BANK1: variants seen among roughly 807,000 people sequenced by gnomAD.
BANK1 encodes the protein B-cell scaffold protein with ankyrin repeats.
A neutral mutation model predicts 94.5 loss-of-function variants in BANK1; 95 were observed. That is an observed-to-expected ratio of 1.00 (90% CI 0.85 to 1.19). The LOEUF (loss-of-function observed/expected upper bound fraction) is 1.19. BANK1 is among the 50% of genes most tolerant of loss of function. BANK1 has a pLI of 0.00. For missense variants in BANK1, 987 were observed against 932.2 expected, an observed-to-expected ratio of 1.06 and a Z score of -0.77; for synonymous variants, 334 against 308.4, an observed-to-expected ratio of 1.08 and a Z score of -0.87.
intron 3 of BANK1, among the ~76,000 whole-genome samples, chr4:101,857,513 T>TA (rs778166099): frequency 4.2e-4 from 64 of 152,306 alleles, no homozygotes; most frequent in South Asian, 8.3e-4. Flanking sequence ...TCTGCAGCAT[T>TA]AACTTTAGTC....
At chr4:101,977,919 T>C (rs1725189118) in intron 7 of BANK1, among the ~76,000 whole-genome samples, 1 of 151,588 alleles carries the variant, frequency 6.6e-6, no homozygotes, top group South Asian at 2.1e-4. Context: ...CAATGAAAAT[T>C]AGTATTAAAT....
At chr4:102,013,079 A>G (rs1726564588) in intron 7 of BANK1, among the ~76,000 whole-genome samples, 1 of 152,156 alleles carries the variant, frequency 6.6e-6, no homozygotes, top group Admixed American at 6.5e-5. Flanking sequence ...TTTTGAAACT[A>G]AAACTGATTT....
At chr4:101,812,551 C>G (rs961234130) in intron 1 of BANK1, among the ~76,000 whole-genome samples, 1 of 151,794 alleles carries the variant, frequency 6.6e-6, no homozygotes, top group African/African-American at 2.4e-5. Flanking sequence ...TGACATAGCT[C>G]TATCTTTAAG....
At chr4:101,791,053 C>T in intron 1 of BANK1, 103 bp downstream of exon 1, 4 of 925,734 alleles carry the variant, frequency 4.3e-6, no homozygotes, top group Non-Finnish European at 6.2e-6. Flanking sequence ...GGCACTGAGG[C>T]CAGGGCGTCC....
At chr4:101,850,988 A>T (rs1417354650) in intron 2 of BANK1, among the ~76,000 whole-genome samples, 1 of 152,162 alleles carries the variant, frequency 6.6e-6, no homozygotes, top group Non-Finnish European at 1.5e-5. Context: ...TAAGCCTACA[A>T]TGGCCTCCAA....
At chr4:101,821,636 T>C (rs1044380462) in intron 1 of BANK1, among the ~76,000 whole-genome samples, 1 of 152,090 alleles carries the variant, frequency 6.6e-6, no homozygotes, top group East Asian at 1.9e-4. Context: ...ATATGGTATA[T>C]GTTTGGTTTG....
intron 7 of BANK1, among the ~76,000 whole-genome samples, chr4:101,955,695 C>T (rs1724313406): frequency 6.6e-6 from 1 of 152,128 alleles, no homozygotes; most frequent in Non-Finnish European, 1.5e-5. Flanking sequence ...AGATCATTGA[C>T]ATTTTTGAGT....
chr4:102,043,758 T>A (rs1489369220), intron 10 of BANK1, 81 bp from the exon 11 acceptor site: 1 of 796,296 alleles, frequency 1.3e-6, no homozygotes, highest in East Asian at 2.6e-5. Flanking sequence ...TATATTGCAT[T>A]CTGGCTTCCT....
chr4:102,046,310 A>G lies in BANK1; in HGVS notation c.1969+2403A>G, dbSNP rs560212848. Among the ~76,000 whole-genome samples, 21 of 152,224 alleles carry G rather than the reference A, an allele frequency of 1.4e-4. No individual in the cohort carries two copies. In the South Asian group the frequency reaches 4.4e-3, roughly 32 times the overall value. The stretch of plus-strand genomic sequence containing the variant: ...AATCAATTCAAGATGGATTAAAGAC[A>G]TAAATCTTACTCTTAATCTCACACA... On this transcript the variant is annotated intron_variant, in intron 11 of 16. Transcript: ENST00000322953.
intron 1 of BANK1, among the ~76,000 whole-genome samples, chr4:101,822,597 G>C (rs1560588178): frequency 6.6e-6 from 1 of 151,068 alleles, no homozygotes; most frequent in Non-Finnish European, 1.5e-5. Flanking sequence ...CTTATGGTCA[G>C]TGTTGTCTTG....
chr4:101,825,932 A>G (rs975467203), intron 1 of BANK1, among the ~76,000 whole-genome samples: 6 of 151,994 alleles, frequency 3.9e-5, no homozygotes, highest in African/African-American at 1.4e-4. Context: ...ACAGGTTATG[A>G]TTGTCTCTAT....
intron 1 of BANK1, among the ~76,000 whole-genome samples, chr4:101,799,020 T>A (rs528542274): frequency 2.6e-5 from 4 of 152,230 alleles, no homozygotes; most frequent in South Asian, 2.1e-4. Context: ...GGTGTTTTAG[T>A]CATGAAGTCC....
At chr4:101,963,907 T>G (rs1724656062) in intron 7 of BANK1, among the ~76,000 whole-genome samples, 2 of 152,132 alleles carry the variant, frequency 1.3e-5, no homozygotes, top group African/African-American at 4.8e-5. Flanking sequence ...CTTCCAAAAC[T>G]ACTTTTCTGA....
At position 101,900,297 on chromosome 4, in the gene BANK1, T is replaced by C. The variant is rs146294329; in HGVS notation, c.1009+4887T>C. On this transcript the variant is annotated intron_variant, in intron 6 of 16. Coordinates refer to ENST00000322953, the MANE Select transcript of BANK1 (RefSeq NM_017935.5). Reference sequence around the variant, plus strand: ...AAACAGTAGCAACAAAATAAGACCATTGCAAATAGTGATAAGGGTTATGAG... The same window carrying C: ...AAACAGTAGCAACAAAATAAGACCACTGCAAATAGTGATAAGGGTTATGAG... Among the ~76,000 whole-genome samples the C allele has an allele frequency of 8.1e-4, 124 of 152,264 alleles. 2 individuals carry two copies. The East Asian group carries it at 0.015, about 18-fold the overall frequency.
At chr4:101,978,173 C>T (rs1725201149) in intron 7 of BANK1, among the ~76,000 whole-genome samples, 1 of 150,706 alleles carries the variant, frequency 6.6e-6, no homozygotes, top group African/African-American at 2.4e-5. Flanking sequence ...AAAAAGAAAA[C>T]AATGAAACTC....
At chr4:101,860,592 G>A (rs549536514) in intron 3 of BANK1, among the ~76,000 whole-genome samples, 12 of 152,078 alleles carry the variant, frequency 7.9e-5, no homozygotes, top group African/African-American at 1.2e-4. Flanking sequence ...CACCATGCCC[G>A]GGTAATTTTC....
chr4:102,073,120 T>C (rs1176459065), intron 15 of BANK1, among the ~76,000 whole-genome samples: 1 of 151,976 alleles, frequency 6.6e-6, no homozygotes, highest in Admixed American at 6.6e-5. Flanking sequence ...GTTCCTTGTA[T>C]ATTTCAAATA....
At position 101,881,157 on chromosome 4, in the gene BANK1, A is replaced by G. The variant is rs542680952; in HGVS notation, c.903+10513A>G. Among the ~76,000 whole-genome samples, 3 of 152,218 alleles carry G rather than the reference A, an allele frequency of 2.0e-5. No individual in the cohort carries two copies. In the South Asian group the frequency reaches 6.2e-4, roughly 32 times the overall value. Reference sequence around the variant, plus strand: ...GACTACTCACAGAATTGGAGAACATATTTGCAAACTACCTATCTAACAAGG... The same window carrying G: ...GACTACTCACAGAATTGGAGAACATGTTTGCAAACTACCTATCTAACAAGG... On this transcript the variant is annotated intron_variant, in intron 5 of 16. Coordinates refer to ENST00000322953, the MANE Select transcript of BANK1 (RefSeq NM_017935.5).
chr4:101,914,171 T>C (rs2148898704), intron 6 of BANK1, among the ~76,000 whole-genome samples: 1 of 152,270 alleles, frequency 6.6e-6, no homozygotes, highest in Admixed American at 6.5e-5. Flanking sequence ...TGCTCTTTCT[T>C]TCTACTTGCA....
Sources: gnomAD v4.1 joint callset for allele counts (sites outside exome capture counted in the v4.1 genomes callset) on GRCh38, gnomAD v4.1.1 for gene constraint, MANE v1.5 for transcripts, NCBI Gene and HGNC (gene_info 2026-07-23, HGNC 2026-07-21) for gene names.